The following SF1 variants were observed in gnomAD, a reference collection of about 807,000 sequenced individuals.
SF1 encodes the protein splicing factor 1.
Under a neutral mutation model 62.5 loss-of-function variants are expected in SF1, and 7 were observed. The ratio of observed to expected loss-of-function variants is 0.11; its 90% confidence interval spans 0.06 to 0.21. The LOEUF (loss-of-function observed/expected upper bound fraction) is 0.21. SF1 is among the 10% of genes least tolerant of loss of function. SF1 has a pLI of 1.00. For synonymous variants in SF1, 394 were observed against 323.6 expected (o/e 1.22, Z -2.33); for missense variants, 578 against 884.0 (o/e 0.65, Z 4.39).
intron 2 of SF1, among the ~76,000 whole-genome samples, chr11:64,775,811 C>G (rs1939126833): frequency 6.6e-6 from 1 of 152,138 alleles, no homozygotes; most frequent in Admixed American, 6.5e-5. Context: ...ATTCTCAAAA[C>G]CTCCCAGCAA....
At chr11:64,768,459 A>C (rs1005492368) in intron 8 of SF1, among the ~76,000 whole-genome samples, 173 bp from the exon 9 acceptor site, 1 of 152,214 alleles carries the variant, frequency 6.6e-6, no homozygotes, top group Non-Finnish European at 1.5e-5. Context: ...TCAGATCTTC[A>C]GTTTCGTGCC....
chr11:64,776,463 C>A (rs1224955837), intron 2 of SF1, 35 bp downstream of exon 2: 4 of 1,568,052 alleles, frequency 2.6e-6, no homozygotes, highest in Non-Finnish European at 3.4e-6. Flanking sequence ...TCGTAACAAT[C>A]TCAAAGTGCA....
In SF1 at chr11:64,766,959, G is replaced by A. The variant is rs1159480623; in HGVS notation, c.1523C>T (p.Pro508Leu). 5.3e-6 allele frequency: 8 copies of A among 1,501,306 alleles called. No individual in the cohort carries two copies. Among genetic ancestry groups the A allele is most frequent in the South Asian group, 4.2e-5 (3 of 71,668 alleles). The allele number at this position is 1,501,306 out of a possible 1,614,324, so 93.0% of individuals were successfully genotyped here. A position where few individuals can be genotyped will look rare whatever the true frequency, so the allele number is the denominator to read the frequency against. ...PPWQQQQQQP[P>L]PPPPPSSSMA... ...ACTGCTGCTGGGCGGAGGGGGTGGCGGAGGCTGCTGCTGCTGTTGTTGCCA... is the reference window on the plus strand; with the variant it reads ...ACTGCTGCTGGGCGGAGGGGGTGGCAGAGGCTGCTGCTGCTGTTGTTGCCA... Residue 508 changes from proline to leucine, a missense_variant, in exon 12 of 13, where the codon CCG becomes CTG. By Grantham distance (98) the Pro-to-Leu change is moderately conservative (BLOSUM62 -3). Coordinates refer to ENST00000377390, the MANE Select transcript of SF1 (RefSeq NM_004630.4).
intron 1 of SF1, chr11:64,778,111 G>A (rs1260882861): frequency 8.0e-6 from 7 of 872,998 alleles, no homozygotes; most frequent in African/African-American, 3.7e-5. Flanking sequence ...GCGGGTACGA[G>A]GCGCCGGGGG....
intron 10 of SF1, 130 bp from the exon 11 acceptor site, chr11:64,767,381 C>T (rs192301864): frequency 1.2e-4 from 129 of 1,075,128 alleles, no homozygotes; most frequent in Non-Finnish European, 1.7e-4. Context: ...CAGGTCTGTG[C>T]TTACCCAACA....
chr11:64,767,829 T>C lies in SF1; in HGVS notation c.1084A>G (p.Thr362Ala), dbSNP rs1388881438. 5 of 1,612,758 alleles carry C rather than the reference T, an allele frequency of 3.1e-6. No individual in the cohort carries two copies. The East Asian group carries it at 1.1e-4, about 36-fold the overall frequency. Residue 362 changes from threonine (T) to alanine (A), a missense_variant, in exon 10 of 13, where the codon ACC becomes GCC. By Grantham distance (58) the Thr-to-Ala change is moderately conservative. Coordinates refer to ENST00000377390, the MANE Select transcript of SF1 (RefSeq NM_004630.4). Reference sequence around the variant, plus strand: ...TTCATCCAGGGTGGGCGGCTCTGGGTGGTAGACATGAGAGACTACGTGAGA... The same window carrying C: ...TTCATCCAGGGTGGGCGGCTCTGGGCGGTAGACATGAGAGACTACGTGAGA... ...NPPPPSLMST[T>A]QSRPPWMNSG...
chr11:64,772,443 C>T (rs1371114014), intron 3 of SF1: 1 of 984,878 alleles, frequency 1.0e-6, no homozygotes, highest in African/African-American at 1.8e-5. Flanking sequence ...TATGGAGAAA[C>T]AAGGAAGTTA....
rs1329763253 is a variant in SF1 at position 64,765,848 on chromosome 11, T to C, written c.1890A>G (p.Pro630=). ...TCTGTGGTGGAGGCGGTGGGGGAGC[T>C]GGAGGCATCCCGAAGGGCGGCATGC... ...VAGMPPFGMP[P]APPPPPPQN is the part of the protein sequence containing the mutation. Residue 630 remains proline (P), a synonymous_variant, in exon 13 of 13, where the codon CCA becomes CCG. Transcript: ENST00000377390. 6.4e-7 allele frequency: 1 copy of C among 1,556,156 alleles called. No homozygotes were observed. Among genetic ancestry groups the C allele is most frequent in the South Asian group, 1.2e-5 (1 of 84,612 alleles).
rs1939762889 is a variant in SF1, at chr11:64,778,369, C to G, written c.24G>C (p.Thr8=). Residue 8 remains threonine, a synonymous_variant, in exon 1 of 13, where the codon ACG becomes ACC. Coordinates refer to ENST00000377390, the MANE Select transcript of SF1 (RefSeq NM_004630.4). MATGANA[T]PLDFPSKKRK... ...CGGGGGGGCCCAGCTTACCCAACGG[C>G]GTGGCGTTCGCTCCGGTCGCCATGG... The G allele has an allele frequency of 9.0e-6, 11 of 1,227,712 alleles. No individual in the cohort carries two copies. The African/African-American group carries it at 1.4e-4, about 16-fold the overall frequency. The allele number at this position is 1,227,712 out of a possible 1,614,324, so 76.1% of individuals were successfully genotyped here. A position where few individuals can be genotyped will look rare whatever the true frequency, so the allele number is the denominator to read the frequency against.
intron 8 of SF1, 28 bp downstream of exon 8, chr11:64,768,994 C>G (rs1404175673): frequency 6.6e-7 from 1 of 1,509,902 alleles, no homozygotes; most frequent in South Asian, 1.1e-5. Context: ...CGCAGGCTAC[C>G]AGGAAACCGC....
chr11:64,773,900 T>C (rs1436535195), intron 2 of SF1, among the ~76,000 whole-genome samples: 1 of 152,180 alleles, frequency 6.6e-6, no homozygotes, highest in Non-Finnish European at 1.5e-5. Flanking sequence ...ATCAAATTAC[T>C]TGAGGGCAAG....
chr11:64,769,714 A>G (rs1162291849), intron 5 of SF1, 105 bp from the exon 6 acceptor site: 1 of 1,081,786 alleles, frequency 9.2e-7, no homozygotes, highest in Non-Finnish European at 1.4e-6. Context: ...AGCGCAGAGA[A>G]TTGGATTTTC....
rs920606330 is a variant in SF1 at position 64,767,210 on chromosome 11, G to A, written c.1384C>T (p.Arg462Cys). 2.5e-6 allele frequency: 4 copies of A among 1,614,044 alleles called. No homozygotes were observed. The highest frequency in any genetic ancestry group is 3.4e-6 in the Non-Finnish European group (4 of 1,179,954). Residue 462 changes from arginine (R) to cysteine (C), a missense_variant, in exon 11 of 13, where the codon CGC (arginine) becomes TGC (cysteine). Coordinates refer to ENST00000377390, the MANE Select transcript of SF1 (RefSeq NM_004630.4). Reference protein sequence around the residue: ...GSTPVGSGVYRLHQGKGMMPP... With the variant: ...GSTPVGSGVYCLHQGKGMMPP... ...CCATTACCTTTTCCTTGATGCAGGC[G>A]ATAGACCCCAGAGCCCACAGGCGTA... is the stretch of plus-strand genomic sequence containing the variant.
intron 1 of SF1, chr11:64,777,772 C>A: frequency 2.0e-6 from 2 of 984,794 alleles, no homozygotes; most frequent in South Asian, 9.4e-5. Context: ...GCGCACAGAG[C>A]GCCTCCCGCC....
At chr11:64,773,727 G>C (rs1447073015) in intron 2 of SF1, among the ~76,000 whole-genome samples, 1 of 152,096 alleles carries the variant, frequency 6.6e-6, no homozygotes, top group African/African-American at 2.4e-5. Flanking sequence ...ACTTAAGGAA[G>C]CAAACAGTTT....
intron 1 of SF1, 191 bp downstream of exon 1, chr11:64,778,171 C>A (rs1415652394): frequency 3.4e-6 from 3 of 872,524 alleles, no homozygotes; most frequent in Non-Finnish European, 4.3e-6. Flanking sequence ...GAGGGGGCGG[C>A]GGCGGAGGCG....
At chr11:64,767,976 G>A in intron 9 of SF1, 130 bp downstream of exon 9, 2 of 1,447,538 alleles carry the variant, frequency 1.4e-6, no homozygotes, top group Non-Finnish European at 9.3e-7. Flanking sequence ...AAACTGGCCT[G>A]AGATCCCGGA....
At chr11:64,775,419 T>C (rs1345336536) in intron 2 of SF1, among the ~76,000 whole-genome samples, 4 of 152,130 alleles carry the variant, frequency 2.6e-5, no homozygotes, top group African/African-American at 7.2e-5. Flanking sequence ...TAGTCTAATA[T>C]GAGACACAAT....
chr11:64,767,766 G>T lies in SF1; in HGVS notation c.1147C>A (p.His383Asn). The change falls in exon 10 of 13, where the codon CAT becomes AAT. Residue 383 changes from histidine to asparagine, a missense_variant. By Grantham distance (68) the His-to-Asn change is moderately conservative. This residue lies in a region of SF1 where 410 missense variants were observed against 452.4 expected (regional missense o/e 0.91). Transcript: ENST00000377390. ...PSESRPYHGM[H>N]GGGPGGPGGG... ...CCGGGCCCACCAGGACCACCTCCAT[G>T]CATGCCGTGGTAGGGCCGACTCTCT... 6.2e-7 allele frequency: 1 copy of T among 1,613,642 alleles called. No individual in the cohort carries two copies. Among genetic ancestry groups the T allele is most frequent in the Non-Finnish European group, 8.5e-7 (1 of 1,179,746 alleles).
Sources: gnomAD v4.1 joint callset for allele counts (sites outside exome capture counted in the v4.1 genomes callset) on GRCh38, gnomAD v4.1.1 for gene constraint, gnomAD v4.1.1 regional missense constraint, MANE v1.5 for transcripts, NCBI Gene and HGNC (gene_info 2026-07-23, HGNC 2026-07-21) for gene names.